LMX1A: variants seen among roughly 807,000 people sequenced by gnomAD.
LMX1A encodes LIM homeobox transcription factor 1-alpha.
Under a neutral mutation model 49.1 loss-of-function variants are expected in LMX1A, and 15 were observed. That is an observed-to-expected ratio of 0.31 (90% confidence interval 0.20 to 0.47). The LOEUF is 0.47. LMX1A is among the 20% of genes least tolerant of loss of function. LMX1A has a pLI of 1.00. For synonymous variants in LMX1A, 167 were observed against 185.7 expected (o/e 0.90, Z 0.82); for missense variants, 372 against 475.8 (o/e 0.78, Z 2.03).
At chr1:165,327,288 A>G (rs1471329893) in intron 3 of LMX1A, among the ~76,000 whole-genome samples, 1 of 152,206 alleles carries the variant, frequency 6.6e-6, no homozygotes, top group Non-Finnish European at 1.5e-5. Flanking sequence ...ATCCAAGTGC[A>G]ACCCAAACAA....
At chr1:165,261,596 T>C (rs1036716961) in intron 3 of LMX1A, among the ~76,000 whole-genome samples, 1 of 152,186 alleles carries the variant, frequency 6.6e-6, no homozygotes, top group Non-Finnish European at 1.5e-5. Context: ...CCCAAGTTCA[T>C]AGCAGCATTA....
At chr1:165,320,486 GAGAAA>G (rs572034720) in intron 3 of LMX1A, among the ~76,000 whole-genome samples, 1 of 152,198 alleles carries the variant, frequency 6.6e-6, no homozygotes, top group Admixed American at 6.5e-5. Flanking sequence ...GGAAGAATGA[GAGAAA>G]AGAAGAGACT....
At chr1:165,325,962 C>A (rs1044049316) in intron 3 of LMX1A, among the ~76,000 whole-genome samples, 9 of 152,206 alleles carry the variant, frequency 5.9e-5, no homozygotes, top group Non-Finnish European at 1.0e-4. Context: ...TTCCTTCCCC[C>A]ATCCTCACCA....
At chr1:165,308,280 G>A (rs1654977944) in intron 3 of LMX1A, among the ~76,000 whole-genome samples, 3 of 152,186 alleles carry the variant, frequency 2.0e-5, no homozygotes, top group Non-Finnish European at 2.9e-5. Context: ...GAGGAGAGCC[G>A]ATAACACCTT....
intron 3 of LMX1A, among the ~76,000 whole-genome samples, chr1:165,351,025 G>A (rs1279405308): frequency 6.6e-6 from 1 of 152,202 alleles, no homozygotes; most frequent in Non-Finnish European, 1.5e-5. Context: ...GCCAAACCTG[G>A]AGGGCTGAAA....
chr1:165,246,552 A>T (rs1652855135), intron 4 of LMX1A, among the ~76,000 whole-genome samples: 1 of 152,218 alleles, frequency 6.6e-6, no homozygotes, highest in Non-Finnish European at 1.5e-5. Context: ...TTAGAACGAC[A>T]TTCTAGCATT....
chr1:165,258,048 C>CA (rs1653307792), intron 3 of LMX1A, among the ~76,000 whole-genome samples: 1 of 152,170 alleles, frequency 6.6e-6, no homozygotes, highest in Admixed American at 6.5e-5. Flanking sequence ...TAGAAAGTAA[C>CA]AGAGGGTTTG....
intron 3 of LMX1A, among the ~76,000 whole-genome samples, chr1:165,334,308 T>C (rs1397347011): frequency 6.6e-6 from 1 of 152,160 alleles, no homozygotes; most frequent in Non-Finnish European, 1.5e-5. Flanking sequence ...ATTCTAGCAA[T>C]ACAATCACTG....
At chr1:165,209,227 A>G (rs74118520) in intron 6 of LMX1A, among the ~76,000 whole-genome samples, 355 of 152,298 alleles carry the variant, frequency 2.3e-3, no homozygotes, top group African/African-American at 8.3e-3. Context: ...TCAGTTAGAG[A>G]AATGCTACCT....
chr1:165,306,184 G>A (rs1285674996), intron 3 of LMX1A, among the ~76,000 whole-genome samples: 1 of 152,124 alleles, frequency 6.6e-6, no homozygotes, highest in African/African-American at 2.4e-5. Context: ...CTAGTCTCCA[G>A]AGCTCAGGTT....
At chr1:165,231,479 G>A (rs556807355) in intron 4 of LMX1A, among the ~76,000 whole-genome samples, 10 of 152,078 alleles carry the variant, frequency 6.6e-5, no homozygotes, top group African/African-American at 2.4e-4. Flanking sequence ...GGCTAATTTT[G>A]TATTTTGTTG....
At chr1:165,296,692 T>C (rs1654631327) in intron 3 of LMX1A, among the ~76,000 whole-genome samples, 1 of 152,266 alleles carries the variant, frequency 6.6e-6, no homozygotes, top group East Asian at 1.9e-4. Flanking sequence ...TCTGGGCCTC[T>C]GCCCCTTTTC....
intron 4 of LMX1A, among the ~76,000 whole-genome samples, chr1:165,241,971 T>G (rs1424634097): frequency 1.3e-5 from 2 of 151,928 alleles, no homozygotes; most frequent in African/African-American, 4.8e-5. Context: ...CCACAGAAAA[T>G]TAGGAGGAAG....
At chr1:165,279,420 A>G (rs569879039) in intron 3 of LMX1A, among the ~76,000 whole-genome samples, 10 of 152,172 alleles carry the variant, frequency 6.6e-5, no homozygotes, top group Non-Finnish European at 1.2e-4. Flanking sequence ...CCAGGACTGA[A>G]ATTCATTGTA....
chr1:165,244,858 GT>G (rs1463291594), intron 4 of LMX1A, among the ~76,000 whole-genome samples: 2 of 1,404 alleles, frequency 1.4e-3, no homozygotes, highest in Non-Finnish European at 3.2e-3. Flanking sequence ...GTTGCCCAGT[GT>G]CAAAAAAAAA....
At chr1:165,231,303 TTA>T (rs1652232725) in intron 4 of LMX1A, among the ~76,000 whole-genome samples, 1 of 118,460 alleles carries the variant, frequency 8.4e-6, no homozygotes. Flanking sequence ...TTTTTTTTTT[TTA>T]TTATTTTTAT....
At chr1:165,347,591 G>A (rs1431195856) in intron 3 of LMX1A, among the ~76,000 whole-genome samples, 1 of 152,218 alleles carries the variant, frequency 6.6e-6, no homozygotes, top group South Asian at 2.1e-4. Flanking sequence ...AAACACTGAA[G>A]TAGAGCTAAG....
intron 3 of LMX1A, among the ~76,000 whole-genome samples, chr1:165,349,056 C>T (rs1421537394): frequency 6.6e-6 from 1 of 152,154 alleles, no homozygotes; most frequent in African/African-American, 2.4e-5. Flanking sequence ...CCACACTGCT[C>T]CTAGGATGTC....
intron 3 of LMX1A, among the ~76,000 whole-genome samples, chr1:165,312,332 T>C (rs1289181121): frequency 6.6e-6 from 1 of 152,238 alleles, no homozygotes; most frequent in Non-Finnish European, 1.5e-5. Context: ...GCTGTTGCTC[T>C]GAGAAAATTT....
Sources: gnomAD v4.1 joint callset for allele counts (sites outside exome capture counted in the v4.1 genomes callset) on GRCh38, gnomAD v4.1.1 for gene constraint, MANE v1.5 for transcripts, NCBI Gene and HGNC (gene_info 2026-07-23, HGNC 2026-07-21) for gene names.